TTC6: variants seen among roughly 807,000 people sequenced by gnomAD.
TTC6 encodes tetratricopeptide repeat protein 6.
In TTC6, 172 loss-of-function variants were observed where a neutral mutation model predicts 210.4. The ratio of observed to expected loss-of-function variants is 0.82; its 90% CI spans 0.72 to 0.93. The LOEUF (loss-of-function observed/expected upper bound fraction) is 0.93. Ranked by LOEUF, TTC6 falls within the 40% of genes least tolerant of loss-of-function variation. TTC6 has a pLI of 0.00. For missense variants in TTC6, 2,414 were observed against 2,318.1 expected (o/e 1.04, Z -0.85); for synonymous variants, 804 against 819.6 (o/e 0.98, Z 0.32).
intron 2 of TTC6, chr14:37,611,263 C>A (rs1320408427): frequency 6.6e-6 from 1 of 152,212 alleles, no homozygotes; most frequent in African/African-American, 2.4e-5. Context: ...TCGAGCCCAC[C>A]CGGCCCCTAG....
chr14:37,617,907 G>A (rs969408862), upstream of TTC6, among the ~76,000 whole-genome samples: 1 of 152,102 alleles, frequency 6.6e-6, no homozygotes, highest in Non-Finnish European at 1.5e-5. Context: ...TTCTTAAAAG[G>A]TTATCCTTCT....
At chr14:37,818,668 C>T (rs1021089009) in intron 26 of TTC6, among the ~76,000 whole-genome samples, 15 of 151,932 alleles carry the variant, frequency 9.9e-5, no homozygotes, top group African/African-American at 3.4e-4. Flanking sequence ...ATTTTATGAG[C>T]AGAGTAATAC....
chr14:37,607,114 T>G (rs2095626570), intron 2 of TTC6, among the ~76,000 whole-genome samples: 1 of 152,232 alleles, frequency 6.6e-6, no homozygotes, highest in Non-Finnish European at 1.5e-5. Context: ...TCTAGTGTAT[T>G]ACCATAGCTG....
At chr14:37,752,658 C>T (rs2095955760) in intron 13 of TTC6, among the ~76,000 whole-genome samples, 2 of 151,880 alleles carry the variant, frequency 1.3e-5, no homozygotes, top group South Asian at 4.2e-4. Flanking sequence ...ATGAATGAGC[C>T]ATGCCAATAA....
intron 1 of TTC6, among the ~76,000 whole-genome samples, chr14:37,670,495 T>A (rs868668863): frequency 6.7e-6 from 1 of 148,320 alleles, no homozygotes; most frequent in East Asian, 2.0e-4. Flanking sequence ...TTTTTTTTTT[T>A]AGTCTCCCTC....
chr14:37,812,494 A>C, intron 25 of TTC6, 61 bp downstream of exon 27: 1 of 1,453,352 alleles, frequency 6.9e-7, no homozygotes, highest in South Asian at 1.5e-5. Context: ...GAACTAGTGA[A>C]CAAGATTTTA....
intron 1 of TTC6, among the ~76,000 whole-genome samples, chr14:37,638,744 C>T (rs1002701857): frequency 6.6e-6 from 1 of 151,946 alleles, no homozygotes; most frequent in African/African-American, 2.4e-5. Flanking sequence ...ACAATGGTAC[C>T]GTTGGCAAAA....
chr14:37,735,924 G>T, exon 8 of TTC6: 1 of 1,525,684 alleles, frequency 6.6e-7, no homozygotes, highest in Non-Finnish European at 8.8e-7. Context: ...ATCACAGAGT[G>T]TTCAAGCAAG....
chr14:37,672,866 A>G (rs575953164), intron 1 of TTC6, among the ~76,000 whole-genome samples: 157 of 124,820 alleles, frequency 1.3e-3, no homozygotes, highest in Non-Finnish European at 1.7e-3. Flanking sequence ...GTTTTCTTCT[A>G]TAGGGTAGCT....
chr14:37,617,159 G>C (rs1305477758), upstream of TTC6, among the ~76,000 whole-genome samples: 1 of 152,170 alleles, frequency 6.6e-6, no homozygotes, highest in Admixed American at 6.5e-5. Context: ...TGCAAGATGA[G>C]CCACTGCACC....
intron 29 of TTC6, among the ~76,000 whole-genome samples, chr14:37,829,978 A>G (rs192339437): frequency 6.6e-6 from 1 of 152,206 alleles, no homozygotes; most frequent in African/African-American, 2.4e-5. Flanking sequence ...ACTATTTGCC[A>G]AACTCCCCTT....
At chr14:37,837,052 C>T (rs1027723567) in intron 29 of TTC6, among the ~76,000 whole-genome samples, 1 of 152,142 alleles carries the variant, frequency 6.6e-6, no homozygotes. Flanking sequence ...AAAATCAAGA[C>T]CATCTGTTGT....
upstream of TTC6, among the ~76,000 whole-genome samples, chr14:37,619,831 A>G (rs933231633): frequency 1.3e-5 from 2 of 151,990 alleles, no homozygotes; most frequent in Non-Finnish European, 2.9e-5. Context: ...TATTATTTCA[A>G]ATGAATTCAG....
intron 5 of TTC6, among the ~76,000 whole-genome samples, chr14:37,704,642 A>G (rs1475818725): frequency 2.0e-5 from 3 of 152,028 alleles, no homozygotes; most frequent in African/African-American, 7.2e-5. Flanking sequence ...TTTGCCGTAT[A>G]TATTATAGAT....
At chr14:37,777,346 T>C (rs1350982030) in intron 14 of TTC6, among the ~76,000 whole-genome samples, 4 of 100,936 alleles carry the variant, frequency 4.0e-5, no homozygotes, top group Admixed American at 1.1e-4. Context: ...TTCAGGGAAC[T>C]GGTCTTTGAA....
chr14:37,727,091 T>TATA (rs1937126742), intron 7 of TTC6, among the ~76,000 whole-genome samples: 1 of 151,852 alleles, frequency 6.6e-6, no homozygotes, highest in Admixed American at 6.6e-5. Flanking sequence ...TAGAAAGATA[T>TATA]ATAATACATA....
chr14:37,666,180 CCT>C (rs1199844793), intron 1 of TTC6, among the ~76,000 whole-genome samples: 1 of 150,046 alleles, frequency 6.7e-6, no homozygotes, highest in Non-Finnish European at 1.5e-5. Flanking sequence ...CTTCCAGCAC[CCT>C]CCATTGGCCT....
At chr14:37,737,809 T>TG in intron 9 of TTC6, 75 bp downstream of exon 11, 1 of 818,602 alleles carries the variant, frequency 1.2e-6, no homozygotes, top group Non-Finnish European at 1.8e-6. Flanking sequence ...CCTTATTTTT[T>TG]TTTAAAAGCA....
chr14:37,619,921 G>A (rs1478174708), upstream of TTC6, among the ~76,000 whole-genome samples: 2 of 151,902 alleles, frequency 1.3e-5, no homozygotes, highest in African/African-American at 2.4e-5. Flanking sequence ...GGGAAGACCT[G>A]ATATAATTAA....
Sources: allele counts gnomAD v4.1 joint callset (sites outside exome capture counted in the v4.1 genomes callset), GRCh38; gene constraint gnomAD v4.1.1; transcripts MANE v1.5; gene names NCBI Gene and HGNC (gene_info 2026-07-23, HGNC 2026-07-21).